Variants in SDC2 observed in about 807,000 individuals in gnomAD.
SDC2 encodes the protein syndecan 2.
In SDC2, 13 loss-of-function variants were observed where a neutral mutation model predicts 22.2. The observed-to-expected ratio is 0.59, with a 90% CI of 0.38 to 0.93. The LOEUF (loss-of-function observed/expected upper bound fraction) is 0.93. SDC2 is among the 40% of genes least tolerant of loss of function. The pLI, the probability that SDC2 is intolerant of heterozygous loss-of-function variation, is 0.00. For synonymous variants in SDC2, 94 were observed against 92.8 expected, an observed-to-expected ratio of 1.01 and a Z score of -0.07; for missense variants, 235 against 246.8, an observed-to-expected ratio of 0.95 and a Z score of 0.32.
chr8:96,558,729 T>C (rs569269410), intron 1 of SDC2, among the ~76,000 whole-genome samples: 3 of 152,272 alleles, frequency 2.0e-5, no homozygotes, highest in Middle Eastern at 6.8e-3. Context: ...GTGGGAAATA[T>C]TAAATAACAT....
chr8:96,585,853 GT>G (rs199970598), intron 1 of SDC2, among the ~76,000 whole-genome samples: 6,723 of 140,886 alleles, frequency 0.048, 68 homozygotes, highest in East Asian at 0.12. Context: ...CTGGCAAGAG[GT>G]TTTTTTTTTT....
intron 1 of SDC2, among the ~76,000 whole-genome samples, chr8:96,513,422 C>T (rs1813357248): frequency 1.3e-5 from 2 of 152,182 alleles, no homozygotes; most frequent in African/African-American, 4.8e-5. Flanking sequence ...CCTTCACAGG[C>T]TGCTTTTGTT....
At chr8:96,535,179 T>G (rs773466202) in intron 1 of SDC2, among the ~76,000 whole-genome samples, 60 of 152,250 alleles carry the variant, frequency 3.9e-4, no homozygotes, top group Middle Eastern at 6.8e-3. Context: ...CAGCTAATTT[T>G]TGTATTTTTA....
At chr8:96,556,676 A>C (rs1442703089) in intron 1 of SDC2, among the ~76,000 whole-genome samples, 1 of 152,208 alleles carries the variant, frequency 6.6e-6, no homozygotes, top group African/African-American at 2.4e-5. Flanking sequence ...AAACCCTAGA[A>C]GAAAACCTAG....
chr8:96,501,487 T>C (rs1034864152), intron 1 of SDC2, among the ~76,000 whole-genome samples: 9 of 151,776 alleles, frequency 5.9e-5, no homozygotes, highest in Admixed American at 4.6e-4. Context: ...TTTGTATTTT[T>C]AGTAGAGACG....
intron 1 of SDC2, among the ~76,000 whole-genome samples, chr8:96,518,364 T>G (rs1813440007): frequency 6.7e-6 from 1 of 148,360 alleles, no homozygotes; most frequent in Admixed American, 6.7e-5. Flanking sequence ...TTGAGAGGTT[T>G]TTTTTTTTTT....
At chr8:96,551,305 C>G (rs1371669263) in intron 1 of SDC2, among the ~76,000 whole-genome samples, 6 of 152,176 alleles carry the variant, frequency 3.9e-5, no homozygotes, top group African/African-American at 1.4e-4. Context: ...TACAATTTTC[C>G]TAATCGAAAC....
At chr8:96,594,282 A>G (rs61692961) in intron 2 of SDC2, among the ~76,000 whole-genome samples, 1 of 152,088 alleles carries the variant, frequency 6.6e-6, no homozygotes, top group Non-Finnish European at 1.5e-5. Flanking sequence ...GCTCCCTCAC[A>G]TGTCAGTGGT....
chr8:96,521,687 C>G (rs1467007640), intron 1 of SDC2, among the ~76,000 whole-genome samples: 1 of 152,206 alleles, frequency 6.6e-6, no homozygotes, highest in African/African-American at 2.4e-5. Flanking sequence ...GGGTATTGAG[C>G]ATTTTCCTTG....
intron 1 of SDC2, among the ~76,000 whole-genome samples, chr8:96,550,981 C>T (rs1394859887): frequency 1.3e-5 from 2 of 152,132 alleles, no homozygotes; most frequent in Admixed American, 6.5e-5. Context: ...CAGGTATCCA[C>T]AGCTCACAAG....
intron 1 of SDC2, among the ~76,000 whole-genome samples, chr8:96,545,306 C>T (rs1813913906): frequency 6.6e-6 from 1 of 152,130 alleles, no homozygotes; most frequent in Admixed American, 6.5e-5. Context: ...ACTCCATTTT[C>T]TTCTAATCCT....
At chr8:96,605,447 A>ATGG (rs1271059863) in intron 3 of SDC2, among the ~76,000 whole-genome samples, 17 of 152,202 alleles carry the variant, frequency 1.1e-4, no homozygotes, top group African/African-American at 4.1e-4. Context: ...CCAATTAATG[A>ATGG]TGGGCTTTTC....
At chr8:96,527,429 TTCTC>T (rs142774163) in intron 1 of SDC2, among the ~76,000 whole-genome samples, 20 of 151,880 alleles carry the variant, frequency 1.3e-4, no homozygotes, top group African/African-American at 3.1e-4. Flanking sequence ...ACTTGCACAG[TTCTC>T]TCTCTCTCTG....
chr8:96,528,372 C>G (rs1467634775), intron 1 of SDC2, among the ~76,000 whole-genome samples: 5 of 151,958 alleles, frequency 3.3e-5, no homozygotes, highest in Non-Finnish European at 7.4e-5. Flanking sequence ...ATAATGATCA[C>G]TAGAACAGAA....
intron 1 of SDC2, among the ~76,000 whole-genome samples, chr8:96,569,245 G>T (rs375425860): frequency 6.6e-6 from 1 of 152,316 alleles, no homozygotes; most frequent in African/African-American, 2.4e-5. Flanking sequence ...CCGGCCTCGA[G>T]CCATCCTTCC....
chr8:96,518,272 G>T (rs565356113), intron 1 of SDC2, among the ~76,000 whole-genome samples: 23 of 148,052 alleles, frequency 1.6e-4, no homozygotes, highest in African/African-American at 4.5e-4. Flanking sequence ...ATGCCTGACA[G>T]AAAAAAAAAG....
chr8:96,510,899 T>C (rs1479235105), intron 1 of SDC2, among the ~76,000 whole-genome samples: 1 of 152,186 alleles, frequency 6.6e-6, no homozygotes, highest in Non-Finnish European at 1.5e-5. Context: ...GATAGATAAA[T>C]GTTCCAGAGC....
At chr8:96,580,628 C>A in intron 1 of SDC2, 2 of 635,108 alleles carry the variant, frequency 3.1e-6, no homozygotes, top group Non-Finnish European at 3.9e-6. Context: ...CCCATCCTCA[C>A]AGGGCATGGG....
chr8:96,499,384 A>G (rs996585108), intron 1 of SDC2, among the ~76,000 whole-genome samples: 4 of 152,242 alleles, frequency 2.6e-5, no homozygotes, highest in Non-Finnish European at 5.9e-5. Context: ...CTGTATTTTT[A>G]TAAAGCGACT....
Sources: allele counts gnomAD v4.1 joint callset (sites outside exome capture counted in the v4.1 genomes callset), GRCh38; gene constraint gnomAD v4.1.1; transcripts MANE v1.5; gene names NCBI Gene and HGNC (gene_info 2026-07-23, HGNC 2026-07-21).